DLGAP2: variants seen among roughly 807,000 people sequenced by gnomAD.
DLGAP2 encodes disks large-associated protein 2.
Under a neutral mutation model 100.3 loss-of-function variants are expected in DLGAP2, and 26 were observed. The observed-to-expected ratio is 0.26, with a 90% confidence interval of 0.19 to 0.36. The LOEUF (loss-of-function observed/expected upper bound fraction) is 0.36, where lower values mean the gene tolerates loss of function less well. Among genes scored for constraint, DLGAP2 ranks in the 10% least tolerant of loss-of-function variants. The pLI is 1.00. For synonymous variants in DLGAP2, 886 were observed against 630.1 expected (o/e 1.41, Z -6.08); for missense variants, 1,858 against 1,453.2 (o/e 1.28, Z -4.53).
At chr8:1,689,982 G>A (rs1421513167) in intron 12 of DLGAP2, among the ~76,000 whole-genome samples, 1 of 152,238 alleles carries the variant, frequency 6.6e-6, no homozygotes, top group East Asian at 1.9e-4. Flanking sequence ...CGATTCCTGT[G>A]TGGTTTTGAG....
At position 839,035 on chromosome 8, in the gene DLGAP2, A is replaced by T. The variant is rs191877623; in HGVS notation, c.19-68877A>T. Reference sequence around the variant, plus strand: ...AAAAGCCACATATGACCACAGTGGGATATCACCTCACACCTGTTAGGATGG... The same window carrying T: ...AAAAGCCACATATGACCACAGTGGGTTATCACCTCACACCTGTTAGGATGG... On this transcript the variant is annotated intron_variant, in intron 1 of 14. Coordinates refer to ENST00000637795, the MANE Select transcript of DLGAP2 (RefSeq NM_001346810.2). Among the ~76,000 whole-genome samples the T allele has an allele frequency of 4.2e-4, 64 of 152,312 alleles. 1 individual carries two copies. Among genetic ancestry groups the T allele is most frequent in the African/African-American group, 1.5e-3 (62 of 41,562 alleles).
At chr8:1,354,001 T>C (rs1027051414) in intron 3 of DLGAP2, among the ~76,000 whole-genome samples, 5 of 152,176 alleles carry the variant, frequency 3.3e-5, no homozygotes, top group African/African-American at 1.2e-4. Context: ...GCTTCTTCTA[T>C]TTATGATGGA....
chr8:1,107,749 C>G (rs1804824311), intron 2 of DLGAP2, among the ~76,000 whole-genome samples: 1 of 152,180 alleles, frequency 6.6e-6, no homozygotes, highest in Non-Finnish European at 1.5e-5. Flanking sequence ...TTTATTATGC[C>G]AGGGACTCTG....
chr8:817,793 G>A (rs1169284280), intron 1 of DLGAP2, among the ~76,000 whole-genome samples: 2 of 152,206 alleles, frequency 1.3e-5, no homozygotes, highest in African/African-American at 2.4e-5. Context: ...GGGGGTGTCT[G>A]CAGAGTCCTG....
intron 2 of DLGAP2, among the ~76,000 whole-genome samples, chr8:1,011,996 G>A (rs1475750157): frequency 6.6e-6 from 1 of 152,214 alleles, no homozygotes; most frequent in Non-Finnish European, 1.5e-5. Context: ...TGCCTGAGTG[G>A]CTCAAGTCCA....
At chr8:960,250 TTTC>T in intron 2 of DLGAP2, among the ~76,000 whole-genome samples, 1 of 141,472 alleles carries the variant, frequency 7.1e-6, no homozygotes, top group Admixed American at 7.2e-5. Flanking sequence ...TTTTTTTTTT[TTTC>T]CCGAGACACT....
intron 2 of DLGAP2, among the ~76,000 whole-genome samples, chr8:928,323 T>A (rs540914547): frequency 6.6e-6 from 1 of 152,190 alleles, no homozygotes; most frequent in African/African-American, 2.4e-5. Flanking sequence ...TGGACAGGGA[T>A]TACGGAGGTC....
chr8:1,193,411 G>T (rs141014024), intron 2 of DLGAP2, among the ~76,000 whole-genome samples: 1 of 152,084 alleles, frequency 6.6e-6, no homozygotes, highest in Non-Finnish European at 1.5e-5. Flanking sequence ...ATTTGCATTT[G>T]TCTGATGGCC....
At chr8:918,516 A>C (rs1004611732) in intron 2 of DLGAP2, among the ~76,000 whole-genome samples, 3 of 152,182 alleles carry the variant, frequency 2.0e-5, no homozygotes, top group East Asian at 1.9e-4. Context: ...TGTCTGTGCC[A>C]CGCTGTGTCT....
At chr8:1,145,049 C>T (rs1008356446) in intron 2 of DLGAP2, among the ~76,000 whole-genome samples, 3 of 152,214 alleles carry the variant, frequency 2.0e-5, no homozygotes, top group African/African-American at 7.2e-5. Flanking sequence ...TTAATATTCA[C>T]CTAGATGCAA....
At chr8:1,477,793 G>C (rs1798976993) in intron 3 of DLGAP2, among the ~76,000 whole-genome samples, 1 of 97,958 alleles carries the variant, frequency 1.0e-5, no homozygotes, top group South Asian at 3.4e-4. Context: ...ATTGAAAGGT[G>C]AGAAAGAAAA....
chr8:1,351,334 C>T (rs1233289303), intron 3 of DLGAP2, among the ~76,000 whole-genome samples: 1 of 71,272 alleles, frequency 1.4e-5, no homozygotes, highest in African/African-American at 4.6e-5. Flanking sequence ...CGTGCGGGTC[C>T]TGAGTGTGGA....
In DLGAP2 at chr8:1,282,580, T is replaced by G. The variant is rs1357756030; in HGVS notation, c.106+23697T>G. Among the ~76,000 whole-genome samples, 85 of 114,154 alleles carry G rather than the reference T, an allele frequency of 7.4e-4. 8 individuals are homozygous for G. Among genetic ancestry groups the G allele is most frequent in the Admixed American group, 4.7e-3 (49 of 10,448 alleles). 74.9% of individuals were successfully genotyped at this position (114,154 alleles called of 152,430 possible). ...TGACCTGAACCCAGCACATGAACCA[T>G]CTGGACATGGTGTGACCTGAACCCA... On this transcript the variant is annotated intron_variant, in intron 3 of 14. Coordinates refer to ENST00000637795, the MANE Select transcript of DLGAP2 (RefSeq NM_001346810.2).
intron 3 of DLGAP2, among the ~76,000 whole-genome samples, chr8:1,276,251 A>T (rs1331006707): frequency 6.6e-6 from 1 of 151,502 alleles, no homozygotes; most frequent in East Asian, 1.9e-4. Flanking sequence ...TTTCTTTCAT[A>T]ACAACCTAAA....
intron 2 of DLGAP2, among the ~76,000 whole-genome samples, chr8:1,123,428 C>G (rs1261446960): frequency 2.0e-5 from 3 of 152,154 alleles, no homozygotes; most frequent in Non-Finnish European, 2.9e-5. Context: ...CCTAGTGAGT[C>G]CATGCCCATT....
rs1725575171 is a variant in DLGAP2 at position 1,288,710 on chromosome 8, G to A, written c.106+29827G>A. Among the ~76,000 whole-genome samples, 4 of 145,676 alleles carry A rather than the reference G, an allele frequency of 2.7e-5. No homozygotes were observed. The South Asian group carries it at 6.7e-4, about 25-fold the overall frequency. Reference sequence around the variant, plus strand: ...GTGTGTGTGTGTGTGGTTCTGTTAGGGGAACTTGTTTCGTTTCAGTGTGTG... The same window carrying A: ...GTGTGTGTGTGTGTGGTTCTGTTAGAGGAACTTGTTTCGTTTCAGTGTGTG... On this transcript the variant is annotated intron_variant, in intron 3 of 14. Coordinates refer to ENST00000637795, the MANE Select transcript of DLGAP2 (RefSeq NM_001346810.2).
intron 3 of DLGAP2, among the ~76,000 whole-genome samples, chr8:1,447,115 A>C (rs992354870): frequency 1.3e-5 from 2 of 152,190 alleles, no homozygotes; most frequent in Non-Finnish European, 2.9e-5. Flanking sequence ...CCTGGCCAGA[A>C]CTTCCAGCAC....
chr8:1,256,479 G>C (rs1396537683), intron 2 of DLGAP2, among the ~76,000 whole-genome samples: 2 of 128,360 alleles, frequency 1.6e-5, no homozygotes, highest in Non-Finnish European at 3.0e-5. Flanking sequence ...TCCTGCCTGG[G>C]TGCTGTGTGT....
chr8:1,488,134 G>C (rs116051762), intron 3 of DLGAP2, among the ~76,000 whole-genome samples: 1 of 152,154 alleles, frequency 6.6e-6, no homozygotes, highest in Non-Finnish European at 1.5e-5. Flanking sequence ...CAGAGCCTCC[G>C]TTGAACAGCC....
Sources: allele counts gnomAD v4.1 joint callset (sites outside exome capture counted in the v4.1 genomes callset), GRCh38; gene constraint gnomAD v4.1.1; transcripts MANE v1.5; gene names NCBI Gene and HGNC (gene_info 2026-07-23, HGNC 2026-07-21).